Variants in DLG2 observed in about 807,000 individuals in gnomAD.
The protein encoded by DLG2 is discs large MAGUK scaffold protein 2.
A neutral mutation model predicts 132.5 loss-of-function variants in DLG2; 45 were observed. That is an observed-to-expected ratio of 0.34 (90% CI 0.27 to 0.44). The LOEUF (loss-of-function observed/expected upper bound fraction) is 0.44, where lower values mean the gene tolerates loss of function less well. Ranked by LOEUF, DLG2 falls within the 20% of genes least tolerant of loss-of-function variation. The pLI, the probability that DLG2 is intolerant of heterozygous loss-of-function variation, is 1.00. For synonymous variants in DLG2, 424 were observed against 419.6 expected (o/e 1.01, Z -0.13); for missense variants, 1,045 against 1,196.9 (o/e 0.87, Z 1.87).
chr11:83,482,550 T>G (rs943941730), intron 22 of DLG2, among the ~76,000 whole-genome samples: 11 of 152,110 alleles, frequency 7.2e-5, no homozygotes, highest in African/African-American at 2.7e-4. Flanking sequence ...TTAATATATT[T>G]TCTTTTTCAC....
intron 4 of DLG2, among the ~76,000 whole-genome samples, chr11:85,178,466 T>C (rs1032092250): frequency 6.6e-6 from 1 of 151,928 alleles, no homozygotes; most frequent in Non-Finnish European, 1.5e-5. Context: ...GATCCAAAAA[T>C]CCAAACTGTT....
At chr11:84,081,729 T>C (rs892756716) in intron 10 of DLG2, among the ~76,000 whole-genome samples, 9 of 152,220 alleles carry the variant, frequency 5.9e-5, no homozygotes, top group Non-Finnish European at 1.2e-4. Context: ...TGATGGACAT[T>C]TGGGTTGCTT....
At chr11:83,545,245 T>C (rs2096207611) in intron 19 of DLG2, among the ~76,000 whole-genome samples, 1 of 152,288 alleles carries the variant, frequency 6.6e-6, no homozygotes, top group Middle Eastern at 3.4e-3. Flanking sequence ...AAAACTGGCA[T>C]AAATCATAAC....
chr11:83,506,655 T>A (rs1205143116), intron 21 of DLG2, among the ~76,000 whole-genome samples: 1 of 152,062 alleles, frequency 6.6e-6, no homozygotes, highest in Non-Finnish European at 1.5e-5. Context: ...GATGGCAGCA[T>A]GGGTTGGGAG....
chr11:84,985,245 A>T (rs2056323372), intron 6 of DLG2, among the ~76,000 whole-genome samples: 2 of 152,164 alleles, frequency 1.3e-5, no homozygotes, highest in African/African-American at 4.8e-5. Flanking sequence ...GAGCCTCAAT[A>T]AATTTAAGAA....
intron 8 of DLG2, among the ~76,000 whole-genome samples, chr11:84,168,653 G>C (rs2095733094): frequency 6.6e-6 from 1 of 152,158 alleles, no homozygotes. Context: ...TAAACCTGAT[G>C]CACTCAAAGA....
chr11:84,881,402 C>T (rs1043935581), intron 6 of DLG2, among the ~76,000 whole-genome samples: 1 of 152,098 alleles, frequency 6.6e-6, no homozygotes, highest in Admixed American at 6.6e-5. Context: ...GAGATCACAG[C>T]CTGATCACTG....
rs2073566125 is a variant in DLG2, at chr11:83,659,125, G to A, written c.1826-25800C>T. ...CATAAGGAATACAACAATGATTATG[G>A]GATAACAGTCATTATAATGGCCAAC... On this transcript the variant is annotated intron_variant, in intron 18 of 27. Transcript: ENST00000376104. Among the ~76,000 whole-genome samples the A allele has an allele frequency of 1.3e-5, 2 of 152,066 alleles. 1 individual carries two copies. The highest frequency in any genetic ancestry group is 4.2e-4 in the South Asian group (2 of 4,812).
chr11:84,708,164 T>C (rs569584487), intron 6 of DLG2, among the ~76,000 whole-genome samples: 1 of 152,006 alleles, frequency 6.6e-6, no homozygotes, highest in East Asian at 1.9e-4. Flanking sequence ...TGTTTGAACC[T>C]TACTAGTAAA....
intron 6 of DLG2, among the ~76,000 whole-genome samples, chr11:84,694,444 C>T (rs2058398295): frequency 6.6e-6 from 1 of 151,614 alleles, no homozygotes; most frequent in Non-Finnish European, 1.5e-5. Context: ...CTAAGCATTT[C>T]CACCTTATCC....
chr11:84,952,753 G>A (rs1326816419), intron 6 of DLG2, among the ~76,000 whole-genome samples: 1 of 152,158 alleles, frequency 6.6e-6, no homozygotes, highest in Admixed American at 6.5e-5. Context: ...ATGTTTATGT[G>A]TTAACAGTCC....
chr11:84,858,209 C>CT (rs372732135), intron 6 of DLG2, among the ~76,000 whole-genome samples: 7 of 151,022 alleles, frequency 4.6e-5, no homozygotes, highest in Non-Finnish European at 1.0e-4. Context: ...AAAATGTTTT[C>CT]TTTTTTTTTA....
At chr11:84,312,018 A>G (rs1008432187) in intron 7 of DLG2, among the ~76,000 whole-genome samples, 5 of 152,222 alleles carry the variant, frequency 3.3e-5, no homozygotes, top group Non-Finnish European at 4.4e-5. Context: ...CAAAAAATGT[A>G]TTAAGAAATA....
rs542016742 is a variant in DLG2, at chr11:83,551,157, G to A, written c.1941-9299C>T. ...TGAAAAATGAGGGGCAAGAATCCCT[G>A]TCCGACAGGGTCCTTATAAGAATTA... On this transcript the variant is annotated intron_variant, in intron 19 of 27. Coordinates refer to ENST00000376104, the MANE Select transcript of DLG2 (RefSeq NM_001142699.3). Among the ~76,000 whole-genome samples, 13 of 152,264 alleles carry A rather than the reference G, an allele frequency of 8.5e-5. No individual in the cohort carries two copies. In the South Asian group the frequency reaches 2.7e-3, roughly 32 times the overall value.
At chr11:85,308,662 C>G (rs189997848) in intron 3 of DLG2, among the ~76,000 whole-genome samples, 23 of 152,244 alleles carry the variant, frequency 1.5e-4, no homozygotes, top group African/African-American at 4.3e-4. Context: ...ACACATCTGT[C>G]TAAATAACCC....
chr11:83,491,209 T>C lies in DLG2; in HGVS notation c.2194-6981A>G, dbSNP rs567420814. ...GGAATAAAAACAATTCCAACTCGCA[T>C]GAAGCACAAGGGGCTACCTGTACCT... On this transcript the variant is annotated intron_variant, in intron 21 of 27. Transcript: ENST00000376104. 5.3e-4 allele frequency among the ~76,000 whole-genome samples: 80 copies of C among 151,022 alleles called. 1 individual carries two copies. The South Asian group carries it at 0.017, about 31-fold the overall frequency.
chr11:84,849,240 A>G (rs2081891840), intron 6 of DLG2, among the ~76,000 whole-genome samples: 1 of 152,186 alleles, frequency 6.6e-6, no homozygotes, highest in Admixed American at 6.5e-5. Flanking sequence ...GAACACTGAG[A>G]GATAATAAAA....
intron 7 of DLG2, among the ~76,000 whole-genome samples, chr11:84,421,509 C>T (rs1479018877): frequency 6.6e-6 from 1 of 152,112 alleles, no homozygotes; most frequent in Non-Finnish European, 1.5e-5. Flanking sequence ...ATACTGTAAA[C>T]GTCTCCTAAA....
intron 18 of DLG2, among the ~76,000 whole-genome samples, chr11:83,753,833 A>G (rs1319883020): frequency 7.6e-4 from 9 of 11,856 alleles, no homozygotes; most frequent in South Asian, 7.4e-3. Flanking sequence ...TCATATATAT[A>G]TGATATATAT....
Sources: gnomAD v4.1 joint callset for allele counts (sites outside exome capture counted in the v4.1 genomes callset) on GRCh38, gnomAD v4.1.1 for gene constraint, MANE v1.5 for transcripts, NCBI Gene and HGNC (gene_info 2026-07-23, HGNC 2026-07-21) for gene names.